Variants in OTUD7A observed in about 807,000 individuals in gnomAD.
OTUD7A encodes OTU deubiquitinase 7A, also known as OTU domain-containing protein 7A.
In OTUD7A, 12 loss-of-function variants were observed where a neutral mutation model predicts 65.7. That is an observed-to-expected ratio of 0.18 (90% confidence interval 0.12 to 0.30). The LOEUF is 0.30. Ranked by LOEUF, OTUD7A falls within the 10% of genes least tolerant of loss-of-function variation. The pLI is 1.00. For missense variants in OTUD7A, 1,148 were observed against 1,304.8 expected, an observed-to-expected ratio of 0.88 and a Z score of 1.85; for synonymous variants, 641 against 586.3, an observed-to-expected ratio of 1.09 and a Z score of -1.35.
intron 3 of OTUD7A, among the ~76,000 whole-genome samples, chr15:31,579,304 T>C (rs868129515): frequency 2.0e-5 from 3 of 152,222 alleles, no homozygotes; most frequent in Non-Finnish European, 4.4e-5. Context: ...TCAGGAACTT[T>C]CACCTTTTCA....
intron 8 of OTUD7A, among the ~76,000 whole-genome samples, chr15:31,521,848 C>T (rs907891580): frequency 6.6e-6 from 1 of 152,240 alleles, no homozygotes; most frequent in African/African-American, 2.4e-5. Context: ...CAAACGGTCC[C>T]TCTTGCTCTG....
At chr15:31,722,452 T>C (rs1893765980) in intron 1 of OTUD7A, among the ~76,000 whole-genome samples, 1 of 152,214 alleles carries the variant, frequency 6.6e-6, no homozygotes, top group Admixed American at 6.5e-5. Context: ...CCAAACACTC[T>C]CACTGGCTGG....
At position 31,480,142 on chromosome 15, in the gene OTUD7A, C is replaced by T. The variant is rs1363647752; in HGVS notation, c.*3152G>A. The T allele has an allele frequency of 6.6e-6, 1 of 152,108 alleles. No individual in the cohort carries two copies. The highest frequency in any genetic ancestry group is 1.5e-5 in the Non-Finnish European group (1 of 68,024). 9.4% of individuals were successfully genotyped at this position (152,108 alleles called of 1,614,324 possible). ...GCAATAACGGGTGCAAAATATTGCT[C>T]TGTGGCATGTTCTGAAAATAATACA... On this transcript the variant is annotated 3_prime_UTR_variant, in exon 13 of 13. Transcript: ENST00000307050.
Position 31,476,677 on chromosome 15 carries a change from G to A in OTUD7A, c.*6617C>T. 1 of 152,396 alleles carries A rather than the reference G, an allele frequency of 6.6e-6. No homozygotes were observed. Among genetic ancestry groups the A allele is most frequent in the Non-Finnish European group, 1.5e-5 (1 of 68,060 alleles). The allele number at this position is 152,396 out of a possible 1,614,324, so 9.4% of individuals were successfully genotyped here. On this transcript the variant is annotated 3_prime_UTR_variant, in exon 13 of 13. Coordinates refer to ENST00000307050, the MANE Select transcript of OTUD7A (RefSeq NM_001382637.1). ...GAGGGCATCACGATGGAGACCTTATGCCCCCTCCCACGAGGGACCTGAAAA... is the reference window on the plus strand; with the variant it reads ...GAGGGCATCACGATGGAGACCTTATACCCCCTCCCACGAGGGACCTGAAAA...
At chr15:31,785,817 G>A (rs988547772) in intron 1 of OTUD7A, among the ~76,000 whole-genome samples, 2 of 152,220 alleles carry the variant, frequency 1.3e-5, no homozygotes, top group Non-Finnish European at 2.9e-5. Context: ...CACAAAGTGA[G>A]GAGAGCAGCA....
intron 1 of OTUD7A, among the ~76,000 whole-genome samples, chr15:31,812,898 A>G (rs979325644): frequency 6.6e-6 from 1 of 152,298 alleles, no homozygotes; most frequent in South Asian, 2.1e-4. Flanking sequence ...ATCTTCTAAA[A>G]TATAAGGGTT....
chr15:31,578,605 G>A (rs1228391796), intron 3 of OTUD7A, among the ~76,000 whole-genome samples: 2 of 151,358 alleles, frequency 1.3e-5, no homozygotes, highest in African/African-American at 2.4e-5. Flanking sequence ...AGGCTGGAGT[G>A]CCGTGGTGCA....
intron 1 of OTUD7A, among the ~76,000 whole-genome samples, chr15:31,715,609 A>G (rs1312218295): frequency 6.8e-6 from 1 of 146,302 alleles, no homozygotes; most frequent in Non-Finnish European, 1.5e-5. Flanking sequence ...AGCCAGTCAT[A>G]TATGCCATTC....
At chr15:31,825,135 T>C (rs548441908) in intron 1 of OTUD7A, among the ~76,000 whole-genome samples, 61 of 152,360 alleles carry the variant, frequency 4.0e-4, no homozygotes, top group Admixed American at 5.9e-4. Flanking sequence ...AGAATCACCA[T>C]GGAAATCGAG....
At chr15:31,506,422 T>C (rs1010477295) in intron 8 of OTUD7A, among the ~76,000 whole-genome samples, 11 of 151,944 alleles carry the variant, frequency 7.2e-5, no homozygotes, top group Non-Finnish European at 1.5e-4. Flanking sequence ...TTTGATTTTG[T>C]ATTTTAAATT....
chr15:31,584,114 A>T (rs1346347689), intron 3 of OTUD7A, among the ~76,000 whole-genome samples: 1 of 152,222 alleles, frequency 6.6e-6, no homozygotes, highest in Non-Finnish European at 1.5e-5. Flanking sequence ...TTCATGACTT[A>T]TCTAGAGAGC....
chr15:31,681,929 C>T (rs1022659757), intron 1 of OTUD7A, among the ~76,000 whole-genome samples: 1 of 151,940 alleles, frequency 6.6e-6, no homozygotes, highest in Admixed American at 6.6e-5. Context: ...ATTAATGAGG[C>T]AGTTATATGA....
chr15:31,747,435 AAGG>A (rs1382968145), intron 1 of OTUD7A, among the ~76,000 whole-genome samples: 1 of 152,202 alleles, frequency 6.6e-6, no homozygotes, highest in African/African-American at 2.4e-5. Flanking sequence ...ACCAGAAAGG[AAGG>A]AGGTGTTGAG....
intron 5 of OTUD7A, among the ~76,000 whole-genome samples, chr15:31,545,196 T>C (rs568711513): frequency 6.6e-6 from 1 of 152,124 alleles, no homozygotes; most frequent in South Asian, 2.1e-4. Flanking sequence ...TGCAGCATAA[T>C]AAAGAAAAGA....
chr15:31,714,910 C>T (rs1168188685), intron 1 of OTUD7A, among the ~76,000 whole-genome samples: 16 of 152,052 alleles, frequency 1.1e-4, no homozygotes, highest in African/African-American at 2.9e-4. Context: ...CCGAGGCAGG[C>T]GGATCACCTG....
At chr15:31,588,358 T>A (rs921841735) in intron 3 of OTUD7A, among the ~76,000 whole-genome samples, 4 of 152,160 alleles carry the variant, frequency 2.6e-5, no homozygotes, top group African/African-American at 9.7e-5. Flanking sequence ...CAGACATGCA[T>A]GGCAACACGC....
intron 3 of OTUD7A, among the ~76,000 whole-genome samples, chr15:31,632,197 GT>G (rs948769760): frequency 6.6e-6 from 1 of 152,264 alleles, no homozygotes; most frequent in East Asian, 1.9e-4. Context: ...TTTCTGCTCT[GT>G]TTTTTCCCCA....
intron 1 of OTUD7A, among the ~76,000 whole-genome samples, chr15:31,738,237 C>T (rs563862470): frequency 6.6e-6 from 1 of 152,048 alleles, no homozygotes; most frequent in Admixed American, 6.5e-5. Context: ...GGGAGAATGG[C>T]AGGGGGCCTG....
At chr15:31,641,154 C>T (rs1334799702) in intron 3 of OTUD7A, among the ~76,000 whole-genome samples, 3 of 142,448 alleles carry the variant, frequency 2.1e-5, no homozygotes, top group South Asian at 2.1e-4. Context: ...GTGAGTCTCA[C>T]GAGATGTGAA....
Sources: gnomAD v4.1 joint callset for allele counts (sites outside exome capture counted in the v4.1 genomes callset) on GRCh38, gnomAD v4.1.1 for gene constraint, MANE v1.5 for transcripts, NCBI Gene and HGNC (gene_info 2026-07-23, HGNC 2026-07-21) for gene names.